Variants in KREMEN1 observed in about 807,000 individuals in gnomAD.
KREMEN1 encodes kringle containing transmembrane protein 1, also known as kremen protein 1.
A neutral mutation model predicts 46.5 loss-of-function variants in KREMEN1; 30 were observed. That is an observed-to-expected ratio of 0.65 (90% CI 0.48 to 0.88). KREMEN1 has a LOEUF of 0.88. Among genes scored for constraint, KREMEN1 ranks in the 40% least tolerant of loss-of-function variants. The probability of loss-of-function intolerance (pLI) is 0.00; values close to 1 mark genes in which losing one functional copy is unlikely to be tolerated. For synonymous variants in KREMEN1, 214 were observed against 230.6 expected, an observed-to-expected ratio of 0.93 and a Z score of 0.65; for missense variants, 533 against 596.9, an observed-to-expected ratio of 0.89 and a Z score of 1.11.
chr22:29,155,676 A>G (rs2145871003), intron 9 of KREMEN1, among the ~76,000 whole-genome samples: 1 of 152,234 alleles, frequency 6.6e-6, no homozygotes, highest in South Asian at 2.1e-4. Flanking sequence ...TAAAATTTGG[A>G]GGCTGGGCCC....
At chr22:29,096,209 A>G (rs2037880420) in intron 2 of KREMEN1, among the ~76,000 whole-genome samples, 1 of 152,214 alleles carries the variant, frequency 6.6e-6, no homozygotes, top group Non-Finnish European at 1.5e-5. Context: ...AAGAGTGTTT[A>G]GGAAGAGAGA....
At chr22:29,097,810 A>G (rs1249692343) in intron 2 of KREMEN1, among the ~76,000 whole-genome samples, 1 of 152,192 alleles carries the variant, frequency 6.6e-6, no homozygotes, top group African/African-American at 2.4e-5. Context: ...AGTTTGGTGT[A>G]CATTCTTTCC....
chr22:29,124,908 G>A (rs2038416286), intron 4 of KREMEN1, among the ~76,000 whole-genome samples: 1 of 152,160 alleles, frequency 6.6e-6, no homozygotes, highest in East Asian at 1.9e-4. Flanking sequence ...TGCTTTGAGG[G>A]TTAGCTATAA....
At chr22:29,086,674 A>G (rs2037733523) in intron 1 of KREMEN1, among the ~76,000 whole-genome samples, 3 of 152,130 alleles carry the variant, frequency 2.0e-5, no homozygotes, top group African/African-American at 7.2e-5. Flanking sequence ...GCAAGTTCCC[A>G]CCGGGCACCA....
chr22:29,166,444 A>C (rs2039053313), intron 9 of KREMEN1, among the ~76,000 whole-genome samples: 1 of 152,210 alleles, frequency 6.6e-6, no homozygotes, highest in African/African-American at 2.4e-5. Context: ...GTTTGGGCAC[A>C]GGCATGGGGA....
exon 10 of KREMEN1, chr22:29,167,074 A>G: frequency 1.3e-6 from 2 of 1,551,626 alleles, no homozygotes; most frequent in Non-Finnish European, 1.7e-6. Context: ...GACATCACTC[A>G]TCTGGTCTCA....
chr22:29,154,120 A>G (rs1488498485), intron 9 of KREMEN1, among the ~76,000 whole-genome samples: 1 of 152,172 alleles, frequency 6.6e-6, no homozygotes, highest in Non-Finnish European at 1.5e-5. Flanking sequence ...CAGTAAACTC[A>G]GGGGACCACC....
At chr22:29,111,699 A>G (rs1378282249) in intron 3 of KREMEN1, 13 of 147,300 alleles carry the variant, frequency 8.8e-5, no homozygotes, top group African/African-American at 3.3e-4. Flanking sequence ...AAAAAAAAGG[A>G]GCTCTGCAGA....
At chr22:29,087,053 C>T (rs1054473327) in intron 1 of KREMEN1, among the ~76,000 whole-genome samples, 2 of 151,874 alleles carry the variant, frequency 1.3e-5, no homozygotes, top group African/African-American at 4.8e-5. Flanking sequence ...ATGAGCCATA[C>T]CCTCTAAATA....
Position 29,073,588 on chromosome 22 carries a change from C to G in KREMEN1, c.97+361C>G, listed in dbSNP as rs559107686. ...GGGATCTGGGACCCGCTGCCCGAGT[C>G]CCTCAGCGACCCCAACCAGGCCGGG... On this transcript the variant is annotated intron_variant, in intron 1 of 8. Transcript: ENST00000400335. The surrounding 1 kb of genome is among the most constrained non-coding windows in gnomAD (Gnocchi z 4.4). 2.6e-5 allele frequency among the ~76,000 whole-genome samples: 4 copies of G among 152,124 alleles called. No homozygotes were observed. In the South Asian group the frequency reaches 8.3e-4, roughly 32 times the overall value.
At chr22:29,113,563 T>A (rs764787069) in intron 3 of KREMEN1, among the ~76,000 whole-genome samples, 2 of 152,258 alleles carry the variant, frequency 1.3e-5, no homozygotes, top group Non-Finnish European at 2.9e-5. Flanking sequence ...TTATTTACAT[T>A]ATCTCATTTT....
At position 29,143,807 on chromosome 22, in the gene KREMEN1, G is replaced by A; in HGVS notation, c.*1695G>A. On this transcript the variant is annotated 3_prime_UTR_variant, in exon 9 of 9. Transcript: ENST00000400335. ...GCCCCTCCTGTGGGGACCAAGTGGGGTTAGGAATGGCTCAGTGGGGAAGGA... is the reference window on the plus strand; with the variant it reads ...GCCCCTCCTGTGGGGACCAAGTGGGATTAGGAATGGCTCAGTGGGGAAGGA... 3 of 985,482 alleles carry A rather than the reference G, an allele frequency of 3.0e-6. No homozygotes were observed. Among genetic ancestry groups the A allele is most frequent in the Non-Finnish European group, 3.6e-6 (3 of 830,064 alleles). The allele number at this position is 985,482 out of a possible 1,614,324, so 61.0% of individuals were successfully genotyped here.
At chr22:29,112,234 C>T (rs1343901835) in intron 3 of KREMEN1, among the ~76,000 whole-genome samples, 2 of 152,136 alleles carry the variant, frequency 1.3e-5, no homozygotes, top group Non-Finnish European at 2.9e-5. Flanking sequence ...ATTCACTGAG[C>T]GGATCCCAAT....
At chr22:29,077,940 C>T (rs373647751) in intron 1 of KREMEN1, among the ~76,000 whole-genome samples, 6 of 152,112 alleles carry the variant, frequency 3.9e-5, no homozygotes, top group African/African-American at 1.4e-4. Context: ...AGTTTGTGCA[C>T]GTACATTTGG....
intron 5 of KREMEN1, 89 bp downstream of exon 5, chr22:29,125,505 T>C (rs1322983508): frequency 1.5e-6 from 2 of 1,321,118 alleles, no homozygotes. Flanking sequence ...CCCTTCTATG[T>C]ATTCATTCAT....
intron 1 of KREMEN1, among the ~76,000 whole-genome samples, chr22:29,084,412 T>A (rs134629): frequency 0.64 from 97,237 of 151,934 alleles, 31,329 homozygotes; most frequent in Middle Eastern, 0.78. Flanking sequence ...TACCTCTATT[T>A]TATGGGTTTA....
chr22:29,078,890 G>T (rs2037612871), intron 1 of KREMEN1, among the ~76,000 whole-genome samples: 1 of 152,226 alleles, frequency 6.6e-6, no homozygotes, highest in East Asian at 1.9e-4. Context: ...CGGCTCACTG[G>T]GCAGCCTTGT....
At chr22:29,115,780 T>C (rs939732229) in intron 3 of KREMEN1, among the ~76,000 whole-genome samples, 1 of 152,188 alleles carries the variant, frequency 6.6e-6, no homozygotes, top group Admixed American at 6.5e-5. Flanking sequence ...ATGTTCAGGC[T>C]GAAATCTTAA....
intron 1 of KREMEN1, among the ~76,000 whole-genome samples, chr22:29,091,127 C>G (rs1363285536): frequency 2.6e-5 from 4 of 152,192 alleles, no homozygotes; most frequent in Non-Finnish European, 2.9e-5. Context: ...GCATGCACTA[C>G]CACCCCCGGC....
Sources: gnomAD v4.1 joint callset for allele counts (sites outside exome capture counted in the v4.1 genomes callset) on GRCh38, gnomAD v4.1.1 for gene constraint, Gnocchi (gnomAD v3.1) non-coding constraint, MANE v1.5 for transcripts, NCBI Gene and HGNC (gene_info 2026-07-23, HGNC 2026-07-21) for gene names.